MYO5C: variants seen among roughly 807,000 people sequenced by gnomAD.
The protein encoded by MYO5C is unconventional myosin-Vc.
Under a neutral mutation model 235.7 loss-of-function variants are expected in MYO5C, and 194 were observed. The observed-to-expected ratio is 0.82, with a 90% CI of 0.73 to 0.93. The LOEUF (loss-of-function observed/expected upper bound fraction) is 0.93, where lower values mean the gene tolerates loss of function less well. Among genes scored for constraint, MYO5C ranks in the 40% least tolerant of loss-of-function variants. The pLI, the probability that MYO5C is intolerant of heterozygous loss-of-function variation, is 0.00. For synonymous variants in MYO5C, 707 were observed against 754.8 expected (o/e 0.94, Z 1.04); for missense variants, 2,038 against 2,127.2 (o/e 0.96, Z 0.82).
chr15:52,289,954 A>T (rs571296688), intron 1 of MYO5C, among the ~76,000 whole-genome samples: 35 of 152,050 alleles, frequency 2.3e-4, no homozygotes, highest in Non-Finnish European at 2.1e-4. Flanking sequence ...CTTCCACCCT[A>T]GCCCCACCCA....
intron 1 of MYO5C, among the ~76,000 whole-genome samples, chr15:52,294,517 G>T (rs1702563891): frequency 6.6e-6 from 1 of 152,174 alleles, no homozygotes; most frequent in Non-Finnish European, 1.5e-5. Context: ...ATTGAAACAT[G>T]ATTTTTTAAA....
chr15:52,287,290 TAAAG>T (rs975902474), intron 1 of MYO5C, among the ~76,000 whole-genome samples: 10 of 152,262 alleles, frequency 6.6e-5, no homozygotes, highest in African/African-American at 1.4e-4. Context: ...GGAGGCCTCA[TAAAG>T]AAACACACAG....
At chr15:52,205,280 G>T in intron 37 of MYO5C, 133 bp from the exon 38 acceptor site, 1 of 1,041,850 alleles carries the variant, frequency 9.6e-7, no homozygotes, top group East Asian at 2.6e-5. Context: ...GATAGAGAAA[G>T]CAAAAGAATC....
intron 34 of MYO5C, among the ~76,000 whole-genome samples, 191 bp downstream of exon 34, chr15:52,212,997 T>A (rs1464633827): frequency 6.6e-6 from 1 of 152,160 alleles, no homozygotes; most frequent in Non-Finnish European, 1.5e-5. Flanking sequence ...AGGATGCTGC[T>A]CCATCCTTTG....
chr15:52,247,824 TGTGGGTATCACTCTAAGTGTCA>T (rs1480279131), intron 14 of MYO5C, among the ~76,000 whole-genome samples: 1 of 152,164 alleles, frequency 6.6e-6, no homozygotes, highest in African/African-American at 2.4e-5. Flanking sequence ...AATGTCTGTA[TGTGGGTATCACTCTAAGTGTCA>T]GAAAGTGGAA....
chr15:52,249,024 G>C (rs4600419), intron 13 of MYO5C, among the ~76,000 whole-genome samples: 121,717 of 152,146 alleles, frequency 0.8, 49,545 homozygotes, highest in Non-Finnish European at 0.87. Context: ...CTCACCTGTT[G>C]GCTCCCTCTG....
At chr15:52,195,962 C>CTTTTTTTTTTTTTTTTTTTT (rs71130140) in intron 39 of MYO5C, among the ~76,000 whole-genome samples, 3 of 80,994 alleles carry the variant, frequency 3.7e-5, no homozygotes, top group East Asian at 6.7e-4. Flanking sequence ...TCACACCCAG[C>CTTTTTTTTTTTTTTTTTTTT]TTTTTTTTTT....
chr15:52,267,058 G>T (rs531267393), intron 8 of MYO5C, among the ~76,000 whole-genome samples: 2 of 152,360 alleles, frequency 1.3e-5, no homozygotes, highest in African/African-American at 4.8e-5. Context: ...GGCCCTGAGA[G>T]TGAGTGCCTC....
At chr15:52,293,216 A>G (rs1308543447) in intron 1 of MYO5C, among the ~76,000 whole-genome samples, 3 of 152,070 alleles carry the variant, frequency 2.0e-5, no homozygotes, top group Non-Finnish European at 2.9e-5. Flanking sequence ...CTGTTCCCAC[A>G]GGGTGGCTTC....
In MYO5C at chr15:52,275,654, G is replaced by A. The variant is rs55686434; in HGVS notation, c.514C>T (p.Arg172Cys). The A allele has an allele frequency of 0.041, 65,518 of 1,614,122 alleles. 1,487 individuals are homozygous for A. The highest frequency in any genetic ancestry group is 0.048 in the Non-Finnish European group (57,004 of 1,179,996). ...GTGGCAAAGTACCTCATGGCATAGC[G>A]AGCCGACACTGTCTTTCCAGCACCT... Reference protein sequence around the residue: ...ESGAGKTVSARYAMRYFATVS... With the variant: ...ESGAGKTVSACYAMRYFATVS... The change falls in exon 5 of 41, where the codon CGC becomes TGC. Residue 172 changes from arginine to cysteine, a missense_variant. Arg to Cys is a radical substitution (Grantham distance 180). Coordinates refer to ENST00000261839, the MANE Select transcript of MYO5C (RefSeq NM_018728.4).
At position 52,205,126 on chromosome 15, in the gene MYO5C, T is replaced by A; in HGVS notation, c.4559A>T (p.Glu1520Val). 6.2e-7 allele frequency: 1 copy of A among 1,614,054 alleles called. No individual in the cohort carries two copies. The highest frequency in any genetic ancestry group is 8.5e-7 in the Non-Finnish European group (1 of 1,179,942). Residue 1520 changes from glutamate (E) to valine (V), a missense_variant, in exon 38 of 41, where the codon GAG (glutamate) becomes GTG (valine). Transcript: ENST00000261839. ...CAGGCCGGAAATGCCCTGCAGGCTCTCATACTCCAGCATTCCCGGAACTGC... is the reference window on the plus strand; with the variant it reads ...CAGGCCGGAAATGCCCTGCAGGCTCACATACTCCAGCATTCCCGGAACTGC... ...PIIVPGMLEYESLQGISGLKP... is the reference protein window; with the variant it reads ...PIIVPGMLEYVSLQGISGLKP...
intron 25 of MYO5C, among the ~76,000 whole-genome samples, chr15:52,226,556 C>G (rs769637214): frequency 6.6e-6 from 1 of 152,186 alleles, no homozygotes; most frequent in Non-Finnish European, 1.5e-5. Context: ...GCAGGAGAAT[C>G]AAACTGATAT....
At chr15:52,236,349 A>G (rs1431350938) in intron 22 of MYO5C, among the ~76,000 whole-genome samples, 2 of 152,210 alleles carry the variant, frequency 1.3e-5, no homozygotes, top group Admixed American at 1.3e-4. Flanking sequence ...CTGGGCCTCC[A>G]AGCCACCAAC....
At chr15:52,249,807 A>G (rs11070889) in intron 13 of MYO5C, among the ~76,000 whole-genome samples, 145,554 of 152,296 alleles carry the variant, frequency 0.96, 69,850 homozygotes, top group Non-Finnish European at 1. Flanking sequence ...CTGGGACCAA[A>G]GGAAGATGTG....
rs1332065917 is a variant in MYO5C, at chr15:52,219,750, T to C, written c.3785+9A>G. The C allele has an allele frequency of 1.0e-5, 16 of 1,603,758 alleles. No individual in the cohort carries two copies. The highest frequency in any genetic ancestry group is 1.4e-5 in the Non-Finnish European group (16 of 1,171,568). On this transcript the variant is annotated intron_variant, in intron 31 of 40. Transcript: ENST00000261839. ...CATGAACTTGAGGTACACACATATT[T>C]ACACTTACTTTCTTTGTGTTCCTTC...
chr15:52,278,705 G>C (rs972073985), intron 4 of MYO5C, among the ~76,000 whole-genome samples, 168 bp downstream of exon 4: 2 of 152,150 alleles, frequency 1.3e-5, no homozygotes, highest in African/African-American at 4.8e-5. Context: ...TCAGGTACAT[G>C]GAACAGTCGT....
Position 52,193,446 on chromosome 15 carries a change from T to A in MYO5C, c.*456A>T, listed in dbSNP as rs1190409413. 1 of 153,236 alleles carries A rather than the reference T, an allele frequency of 6.5e-6. No homozygotes were observed. Among genetic ancestry groups the A allele is most frequent in the Admixed American group, 6.5e-5 (1 of 15,286 alleles). 9.5% of individuals were successfully genotyped at this position (153,236 alleles called of 1,614,324 possible). The stretch of plus-strand genomic sequence containing the variant: ...ATGGGGCAAGAGAACTTTTGGCAGG[T>A]CACGGTGGCCAAACGGGATTTTTTC... On this transcript the variant is annotated 3_prime_UTR_variant, in exon 41 of 41. Coordinates refer to ENST00000261839, the MANE Select transcript of MYO5C (RefSeq NM_018728.4).
chr15:52,293,041 T>C (rs1223208822), intron 1 of MYO5C, among the ~76,000 whole-genome samples: 1 of 152,202 alleles, frequency 6.6e-6, no homozygotes, highest in Non-Finnish European at 1.5e-5. Context: ...GAGCAGAGAA[T>C]GCCAGACCGG....
intron 10 of MYO5C, among the ~76,000 whole-genome samples, chr15:52,259,419 C>CAA (rs11388485): frequency 0.013 from 1,679 of 126,846 alleles, 21 homozygotes; most frequent in Middle Eastern, 0.044. Context: ...GACTCCGTCT[C>CAA]AAAAAAAAAA....
Sources: gnomAD v4.1 joint callset for allele counts (sites outside exome capture counted in the v4.1 genomes callset) on GRCh38, gnomAD v4.1.1 for gene constraint, MANE v1.5 for transcripts, NCBI Gene and HGNC (gene_info 2026-07-23, HGNC 2026-07-21) for gene names.